Variants in GSTA5 observed in about 807,000 individuals in gnomAD.
GSTA5 encodes the protein glutathione S-transferase alpha 5.
In GSTA5, 25 loss-of-function variants were observed where a neutral mutation model predicts 21.8. That is an observed-to-expected ratio of 1.14 (90% confidence interval 0.83 to 1.60). GSTA5 has a LOEUF of 1.60. Among genes scored for constraint, GSTA5 ranks in the 40% most tolerant of loss-of-function variants. The pLI is 0.00. For synonymous variants in GSTA5, 102 were observed against 89.5 expected, an observed-to-expected ratio of 1.14 and a Z score of -0.78; for missense variants, 330 against 259.2, an observed-to-expected ratio of 1.27 and a Z score of -1.88.
At chr6:52,837,594 G>T (rs1226605857) in exon 2 of GSTA5, 1 of 1,608,292 alleles carries the variant, frequency 6.2e-7, no homozygotes, top group Non-Finnish European at 8.5e-7. Flanking sequence ...GCAGATTCTA[G>T]AAATTTCTCT....
rs73439330 is a variant in GSTA5 at position 52,832,791 on chromosome 6, G to A, written c.546+68C>T. 4,601 of 1,606,572 alleles carry A rather than the reference G, an allele frequency of 2.9e-3. 76 individuals are homozygous for A. The African/African-American group carries it at 0.043, about 15-fold the overall frequency. ...GTGGGGTCAAAACATGGTCAGTCCCGGGGCCCAGATATGAGATCCCAATAT... is the reference window on the plus strand; with the variant it reads ...GTGGGGTCAAAACATGGTCAGTCCCAGGGCCCAGATATGAGATCCCAATAT... On this transcript the variant is annotated intron_variant, in intron 5 of 5. Coordinates refer to ENST00000370989, the Ensembl canonical transcript of GSTA5.
At chr6:52,834,360 G>T in intron 3 of GSTA5, 78 bp from the exon 4 acceptor site, 3 of 1,446,876 alleles carry the variant, frequency 2.1e-6, no homozygotes, top group Non-Finnish European at 2.8e-6. Flanking sequence ...TAAGAAAATA[G>T]AGGGTCAGAT....
chr6:52,833,838 C>T (rs562287945), intron 4 of GSTA5, among the ~76,000 whole-genome samples: 1 of 152,208 alleles, frequency 6.6e-6, no homozygotes, highest in Non-Finnish European at 1.5e-5. Context: ...CAGCAACCTC[C>T]AGTGTGATCC....
At chr6:52,837,684 C>A in intron 1 of GSTA5, 75 bp from the exon 2 acceptor site, 1 of 1,006,644 alleles carries the variant, frequency 9.9e-7, no homozygotes, top group Non-Finnish European at 1.5e-6. Context: ...TGGCCCCTAT[C>A]TGGTGCATGA....
intron 2 of GSTA5, among the ~76,000 whole-genome samples, 176 bp from the exon 3 acceptor site, chr6:52,836,544 CT>C (rs1406084836): frequency 6.6e-6 from 1 of 152,230 alleles, no homozygotes; most frequent in Non-Finnish European, 1.5e-5. Flanking sequence ...CAGAGTCTCA[CT>C]CTGTCACCCA....
exon 6 of GSTA5, chr6:52,831,719 A>T: frequency 9.3e-7 from 1 of 1,078,472 alleles, no homozygotes; most frequent in Non-Finnish European, 1.3e-6. Flanking sequence ...TTTATTATTT[A>T]ATTAGCATGT....
exon 6 of GSTA5, chr6:52,831,826 C>G (rs1413304270): frequency 6.2e-7 from 1 of 1,613,530 alleles, no homozygotes; most frequent in African/African-American, 1.3e-5. Flanking sequence ...CTGGCATGTT[C>G]TTGGCCTCCA....
At chr6:52,841,451 C>G (rs1415102589), upstream of GSTA5, among the ~76,000 whole-genome samples, 1 of 152,218 alleles carries the variant, frequency 6.6e-6, no homozygotes, top group African/African-American at 2.4e-5. Context: ...CTCTTCAGCT[C>G]TCTGGCTGTG....
rs150633467 is a variant in GSTA5 at position 52,835,273 on chromosome 6, T to C, written c.272+963A>G. Among the ~76,000 whole-genome samples, 430 of 152,346 alleles carry C rather than the reference T, an allele frequency of 2.8e-3. 2 individuals are homozygous for C. Among genetic ancestry groups the C allele is most frequent in the African/African-American group, 9.6e-3 (400 of 41,574 alleles). On this transcript the variant is annotated intron_variant, in intron 3 of 5. Coordinates refer to ENST00000370989, the Ensembl canonical transcript of GSTA5. ...TCATACAAAAAGAATCCTATAATAC[T>C]TGGCCTTCTGTGTCTTGTGTATTTT...
chr6:52,840,396 T>C (rs1764355647), intron 1 of GSTA5, among the ~76,000 whole-genome samples: 1 of 152,230 alleles, frequency 6.6e-6, no homozygotes, highest in Admixed American at 6.5e-5. Context: ...ACATGAAATA[T>C]TAACAATAAT....
upstream of GSTA5, among the ~76,000 whole-genome samples, chr6:52,845,071 A>C (rs1764435019): frequency 6.6e-6 from 1 of 152,070 alleles, no homozygotes; most frequent in Admixed American, 6.6e-5. Flanking sequence ...AGTAGGAATA[A>C]ATTTTTATAT....
intron 1 of GSTA5, 150 bp downstream of exon 1, chr6:52,840,577 G>A: frequency 6.9e-6 from 5 of 725,908 alleles, no homozygotes; most frequent in Middle Eastern, 5.4e-4. Context: ...ACAATTTTTA[G>A]GTCAAATCTA....
In GSTA5 at chr6:52,837,614, A is replaced by G; in HGVS notation, c.88-5T>C. 1 of 1,602,480 alleles carries G rather than the reference A, an allele frequency of 6.2e-7. No homozygotes were observed. Among genetic ancestry groups the G allele is most frequent in the Non-Finnish European group, 8.5e-7 (1 of 1,169,966 alleles). On this transcript the variant is annotated splice_polypyrimidine_tract_variant and splice_region_variant and intron_variant, in intron 1 of 5. Coordinates refer to ENST00000370989, the Ensembl canonical transcript of GSTA5. ...TTCTAGAAATTTCTCTTCCAACTGG[A>G]AGCAGAAACAGTAAATGGGTTCTTC...
chr6:52,831,937 C>T (rs1012301953), exon 6 of GSTA5: 1 of 1,613,748 alleles, frequency 6.2e-7, no homozygotes, highest in African/African-American at 1.3e-5. Flanking sequence ...AACTTCTTCA[C>T]CGTGGGCAGG....
At chr6:52,842,926 G>A (rs551917879), upstream of GSTA5, among the ~76,000 whole-genome samples, 10 of 151,986 alleles carry the variant, frequency 6.6e-5, no homozygotes, top group African/African-American at 9.7e-5. Flanking sequence ...TATAGGTCCC[G>A]GTGTGTGATG....
Position 52,832,726 on chromosome 6 carries a change from C to T in GSTA5, c.546+133G>A. 4 of 1,434,822 alleles carry T rather than the reference C, an allele frequency of 2.8e-6. No homozygotes were observed. The South Asian group carries it at 3.8e-5, about 14-fold the overall frequency. The allele number at this position is 1,434,822 out of a possible 1,614,324, so 88.9% of individuals were successfully genotyped here. ...TCTTCAAAATTGGAGCCTGGAAGCT[C>T]ATTTTGGAGACCTTGGGGGCACTGA... On this transcript the variant is annotated intron_variant, in intron 5 of 5. Transcript: ENST00000370989.
At chr6:52,839,893 A>G (rs1391517665) in intron 1 of GSTA5, among the ~76,000 whole-genome samples, 1 of 152,250 alleles carries the variant, frequency 6.6e-6, no homozygotes, top group Non-Finnish European at 1.5e-5. Context: ...CCACGTGTTT[A>G]CTTGTCTGCA....
rs932528362 is a variant in GSTA5 at position 52,832,755 on chromosome 6, G to C, written c.546+104C>G. On this transcript the variant is annotated intron_variant, in intron 5 of 5. Coordinates refer to ENST00000370989, the Ensembl canonical transcript of GSTA5. Reference sequence around the variant, plus strand: ...TTGGAGACCTTGGGGGCACTGAAGGGCTGGAGAAGGGTGGGGTCAAAACAT... The same window carrying C: ...TTGGAGACCTTGGGGGCACTGAAGGCCTGGAGAAGGGTGGGGTCAAAACAT... 3 of 1,558,380 alleles carry C rather than the reference G, an allele frequency of 1.9e-6. No individual in the cohort carries two copies. In the African/African-American group the frequency reaches 4.1e-5, roughly 21 times the overall value.
rs1430249765 is a variant in GSTA5, at chr6:52,834,128, C to G, written c.414+13G>C. ...AAACTCAGTTCCCCTAAACATTGAA[C>G]AGCTTCACTTACTTTTTCAAAGGCA... On this transcript the variant is annotated intron_variant, in intron 4 of 5. Transcript: ENST00000370989. The G allele has an allele frequency of 3.1e-6, 5 of 1,614,012 alleles. No individual in the cohort carries two copies. Among genetic ancestry groups the G allele is most frequent in the Non-Finnish European group, 3.4e-6 (4 of 1,179,992 alleles).
Sources: gnomAD v4.1 joint callset for allele counts (sites outside exome capture counted in the v4.1 genomes callset) on GRCh38, gnomAD v4.1.1 for gene constraint, MANE v1.5 for transcripts, NCBI Gene and HGNC (gene_info 2026-07-23, HGNC 2026-07-21) for gene names.